RBFOX1: variants seen among roughly 807,000 people sequenced by gnomAD.
The protein encoded by RBFOX1 is RNA binding protein fox-1 homolog 1.
Under a neutral mutation model 57.7 loss-of-function variants are expected in RBFOX1, and 8 were observed. The observed-to-expected ratio is 0.14, with a 90% confidence interval of 0.08 to 0.25. RBFOX1 has a LOEUF of 0.25. Ranked by LOEUF, RBFOX1 falls within the 10% of genes least tolerant of loss-of-function variation. The pLI is 1.00. For missense variants in RBFOX1, 611 were observed against 548.5 expected, an observed-to-expected ratio of 1.11 and a Z score of -1.14; for synonymous variants, 326 against 222.4, an observed-to-expected ratio of 1.47 and a Z score of -4.15.
At chr16:7,099,108 T>C (rs185781286) in intron 4 of RBFOX1, among the ~76,000 whole-genome samples, 89 of 152,220 alleles carry the variant, frequency 5.8e-4, no homozygotes, top group Non-Finnish European at 9.9e-4. Context: ...GCAAAAATAG[T>C]ACTTAGAATC....
At chr16:5,679,301 C>T (rs2050258249) in intron 3 of RBFOX1, among the ~76,000 whole-genome samples, 1 of 151,888 alleles carries the variant, frequency 6.6e-6, no homozygotes. Flanking sequence ...GCTGTTACAT[C>T]CGAAGTTGTA....
At chr16:7,102,987 A>G (rs1218399729) in intron 4 of RBFOX1, among the ~76,000 whole-genome samples, 1 of 152,078 alleles carries the variant, frequency 6.6e-6, no homozygotes, top group Non-Finnish European at 1.5e-5. Flanking sequence ...CTGTGTGTAC[A>G]GACACACACA....
chr16:6,183,486 T>A (rs200640490), intron 1 of RBFOX1, among the ~76,000 whole-genome samples: 4 of 140,894 alleles, frequency 2.8e-5, no homozygotes, highest in African/African-American at 1.0e-4. Flanking sequence ...TCTAAAAAAA[T>A]TAAATAAATA....
intron 4 of RBFOX1, among the ~76,000 whole-genome samples, chr16:7,138,152 C>G (rs878936056): frequency 6.6e-6 from 1 of 152,016 alleles, no homozygotes; most frequent in Non-Finnish European, 1.5e-5. Context: ...ATAGGGTAAA[C>G]AGATAATGCA....
chr16:5,286,090 G>C (rs1287102558), intron 1 of RBFOX1, among the ~76,000 whole-genome samples: 2 of 152,146 alleles, frequency 1.3e-5, no homozygotes, highest in East Asian at 3.8e-4. Flanking sequence ...TGTTATTGGA[G>C]GCTGTTGTGA....
intron 3 of RBFOX1, among the ~76,000 whole-genome samples, chr16:5,845,539 G>A (rs1440190860): frequency 6.6e-5 from 10 of 152,144 alleles, no homozygotes; most frequent in Admixed American, 5.9e-4. Context: ...ACTCTTACCT[G>A]CACCTTGGTC....
intron 4 of RBFOX1, among the ~76,000 whole-genome samples, chr16:7,271,341 G>C (rs1052711168): frequency 2.6e-5 from 4 of 151,598 alleles, no homozygotes; most frequent in Non-Finnish European, 4.4e-5. Flanking sequence ...CTGGATCTTT[G>C]TTATTTCTTG....
chr16:5,865,909 AGAGAGAGG>A lies in RBFOX1; in HGVS notation c.319-1378_319-1371del, dbSNP rs71386514. ...CTTTCCTGTGTGCAGGAGGAGAGAG[AGAGAGAGG>A]GAGAGAGGGAGAGAGAGAAAGAAAG... On this transcript the variant is annotated intron_variant, in intron 3 of 19. Transcript: ENST00000641259. Among the ~76,000 whole-genome samples the A allele has an allele frequency of 2.1e-4, 32 of 151,944 alleles. No homozygotes were observed. The East Asian group carries it at 4.9e-3, about 23-fold the overall frequency.
At chr16:7,694,392 T>C (rs2078140651) in intron 14 of RBFOX1, among the ~76,000 whole-genome samples, 1 of 152,172 alleles carries the variant, frequency 6.6e-6, no homozygotes, top group Admixed American at 6.6e-5. Flanking sequence ...AATGAATGAA[T>C]GAAAGGAAGG....
intron 4 of RBFOX1, among the ~76,000 whole-genome samples, chr16:7,128,342 C>A (rs1471558617): frequency 6.6e-6 from 1 of 151,172 alleles, no homozygotes; most frequent in Non-Finnish European, 1.5e-5. Context: ...AGTTACAGAA[C>A]AGTTCTGTCA....
At chr16:5,953,931 C>G (rs1476943363) in intron 4 of RBFOX1, among the ~76,000 whole-genome samples, 1 of 152,122 alleles carries the variant, frequency 6.6e-6, no homozygotes, top group Non-Finnish European at 1.5e-5. Context: ...ACTGGGCCAC[C>G]TGTGTTTCTG....
chr16:5,697,864 C>A (rs919520443), intron 3 of RBFOX1, among the ~76,000 whole-genome samples: 1 of 152,138 alleles, frequency 6.6e-6, no homozygotes, highest in Admixed American at 6.5e-5. Context: ...TAAGCATGAT[C>A]TTTGCAATAG....
intron 4 of RBFOX1, among the ~76,000 whole-genome samples, chr16:7,379,037 T>G (rs2097737314): frequency 1.3e-5 from 2 of 152,246 alleles, no homozygotes; most frequent in Admixed American, 1.3e-4. Context: ...ATCTATGACC[T>G]GGCAATATTA....
At chr16:6,962,562 C>T (rs778593176) in intron 3 of RBFOX1, among the ~76,000 whole-genome samples, 1 of 152,118 alleles carries the variant, frequency 6.6e-6, no homozygotes, top group Non-Finnish European at 1.5e-5. Context: ...TCATTCAATT[C>T]AACCTGTTAA....
chr16:7,209,761 T>C (rs751519775), intron 4 of RBFOX1, among the ~76,000 whole-genome samples: 12 of 152,186 alleles, frequency 7.9e-5, no homozygotes, highest in Non-Finnish European at 1.8e-4. Context: ...TGAGTCATCA[T>C]TGCCCAGGGG....
chr16:7,520,538 C>T (rs2077308882), intron 5 of RBFOX1, among the ~76,000 whole-genome samples: 1 of 152,140 alleles, frequency 6.6e-6, no homozygotes, highest in Non-Finnish European at 1.5e-5. Context: ...TGTGGAGTAC[C>T]CCACTGTATG....
chr16:6,472,281 G>T (rs1376060903), intron 2 of RBFOX1, among the ~76,000 whole-genome samples: 2 of 152,200 alleles, frequency 1.3e-5, no homozygotes, highest in South Asian at 2.1e-4. Flanking sequence ...ACCCTGCAGC[G>T]TTAGGGAGAA....
At chr16:7,525,495 A>T (rs576565980) in intron 5 of RBFOX1, among the ~76,000 whole-genome samples, 1 of 152,118 alleles carries the variant, frequency 6.6e-6, no homozygotes, top group African/African-American at 2.4e-5. Context: ...ACATTGATCA[A>T]TTACCCTACA....
chr16:5,724,255 C>T (rs1299366211), intron 3 of RBFOX1, among the ~76,000 whole-genome samples: 3 of 152,184 alleles, frequency 2.0e-5, no homozygotes, highest in Non-Finnish European at 4.4e-5. Context: ...AAACCTGTGT[C>T]TGGGGTAGTT....
Sources: gnomAD v4.1 joint callset for allele counts (sites outside exome capture counted in the v4.1 genomes callset) on GRCh38, gnomAD v4.1.1 for gene constraint, MANE v1.5 for transcripts, NCBI Gene and HGNC (gene_info 2026-07-23, HGNC 2026-07-21) for gene names.